ABCC12: variants seen among roughly 807,000 people sequenced by gnomAD.
ABCC12 encodes ATP-binding cassette sub-family C member 12.
ABCC12 carries 142 observed loss-of-function variants against 151.1 expected under a neutral mutation model. The ratio of observed to expected loss-of-function variants is 0.94; its 90% CI spans 0.82 to 1.08. The LOEUF is 1.08. Among genes scored for constraint, ABCC12 ranks in the 50% least tolerant of loss-of-function variants. The pLI, the probability that ABCC12 is intolerant of heterozygous loss-of-function variation, is 0.00. For synonymous variants in ABCC12, 645 were observed against 646.4 expected, an observed-to-expected ratio of 1.00 and a Z score of 0.03; for missense variants, 1,638 against 1,691.1, an observed-to-expected ratio of 0.97 and a Z score of 0.55.
At chr16:48,086,692 G>A (rs1262139567) in intron 28 of ABCC12, 49 bp downstream of exon 28, 3 of 1,504,400 alleles carry the variant, frequency 2.0e-6, no homozygotes, top group Non-Finnish European at 2.8e-6. Flanking sequence ...GGAATCTAGG[G>A]CAGTGGTGCT....
chr16:48,148,583 G>A (rs1196857698), intron 2 of ABCC12, among the ~76,000 whole-genome samples: 1 of 152,042 alleles, frequency 6.6e-6, no homozygotes, highest in Non-Finnish European at 1.5e-5. Flanking sequence ...CCCAGCTGTA[G>A]ATTCCTAATT....
intron 24 of ABCC12, among the ~76,000 whole-genome samples, chr16:48,095,093 C>G (rs1433759277): frequency 6.6e-6 from 1 of 152,130 alleles, no homozygotes; most frequent in Non-Finnish European, 1.5e-5. Flanking sequence ...TGGCTTTGTC[C>G]CCACACAAAT....
At chr16:48,085,995 G>C (rs1962580337) in intron 28 of ABCC12, among the ~76,000 whole-genome samples, 1 of 152,156 alleles carries the variant, frequency 6.6e-6, no homozygotes. Flanking sequence ...AAACAAACAA[G>C]TGGAAACAGC....
chr16:48,119,538 C>G (rs1963998667), intron 13 of ABCC12, among the ~76,000 whole-genome samples: 1 of 152,264 alleles, frequency 6.6e-6, no homozygotes, highest in African/African-American at 2.4e-5. Flanking sequence ...TTTGGCTATA[C>G]TGATCACTGA....
intron 29 of ABCC12, among the ~76,000 whole-genome samples, chr16:48,085,212 C>T (rs1323806340): frequency 1.3e-5 from 2 of 152,132 alleles, no homozygotes; most frequent in East Asian, 1.9e-4. Context: ...ATAAATTCTA[C>T]AATTCCCATA....
intron 23 of ABCC12, among the ~76,000 whole-genome samples, chr16:48,100,286 T>G (rs910063604): frequency 6.6e-6 from 1 of 152,204 alleles, no homozygotes; most frequent in Non-Finnish European, 1.5e-5. Flanking sequence ...TGTCATATTT[T>G]AGAAGTTTGA....
intron 21 of ABCC12, 123 bp downstream of exon 21, chr16:48,105,016 C>T: frequency 9.0e-7 from 1 of 1,108,812 alleles, no homozygotes; most frequent in East Asian, 2.4e-5. Context: ...CCAGACTAGA[C>T]TGCAAGCTCT....
chr16:48,146,671 T>C, intron 2 of ABCC12, 197 bp from the exon 3 acceptor site: 1 of 422,830 alleles, frequency 2.4e-6, no homozygotes, highest in Non-Finnish European at 4.2e-6. Flanking sequence ...GCTTTCTTAT[T>C]AGTAGGACCA....
intron 8 of ABCC12, among the ~76,000 whole-genome samples, chr16:48,137,497 G>A (rs1567456587): frequency 6.6e-6 from 1 of 152,302 alleles, no homozygotes; most frequent in Non-Finnish European, 1.5e-5. Flanking sequence ...TGCTGCTGGG[G>A]TCCCAACCTG....
intron 18 of ABCC12, 82 bp downstream of exon 18, chr16:48,111,354 T>C: frequency 6.7e-7 from 1 of 1,484,726 alleles, no homozygotes; most frequent in Non-Finnish European, 9.4e-7. Flanking sequence ...ACATGCACAG[T>C]GTCTACACTG....
At chr16:48,085,561 A>G (rs772083337) in intron 29 of ABCC12, 32 bp downstream of exon 29, 6 of 1,600,844 alleles carry the variant, frequency 3.7e-6, no homozygotes, top group Non-Finnish European at 5.1e-6. Context: ...AATATCCAAA[A>G]TTTGACCAAT....
rs781478647 is a variant in ABCC12 at position 48,083,913 on chromosome 16, C to G, written c.3989G>C (p.Gly1330Ala). The G allele has an allele frequency of 2.5e-6, 4 of 1,611,996 alleles. No individual in the cohort carries two copies. The highest frequency in any genetic ancestry group is 2.5e-6 in the Non-Finnish European group (3 of 1,179,472). Residue 1330 changes from glycine to alanine, a missense_variant, in exon 30 of 31, where the codon GGG becomes GCG. Gly to Ala is a moderately conservative substitution (Grantham distance 60, BLOSUM62 0). Transcript: ENST00000311303. ...NCDHVLVMEN[G>A]KVIEFDKPEV... ...AGCCAAAAGAGCTTCCTATACCTTC[C>G]CATTTTCCATAACCAGGACGTGATC...
chr16:48,124,768 A>T (rs1047805638), intron 11 of ABCC12, among the ~76,000 whole-genome samples: 17 of 152,248 alleles, frequency 1.1e-4, no homozygotes, highest in African/African-American at 4.1e-4. Flanking sequence ...ACAGCTCCAG[A>T]TTTATTAATT....
At chr16:48,133,560 A>G (rs1311206591) in intron 9 of ABCC12, 127 bp downstream of exon 9, 1 of 1,146,126 alleles carries the variant, frequency 8.7e-7, no homozygotes, top group Non-Finnish European at 1.2e-6. Flanking sequence ...AGTTGAAGTC[A>G]CATCCTGTGG....
Position 48,146,493 on chromosome 16 carries a change from A to T in ABCC12, c.-50-19T>A, listed in dbSNP as rs1965008802. 7.8e-7 allele frequency: 1 copy of T among 1,285,542 alleles called. No homozygotes were observed. The highest frequency in any genetic ancestry group is 1.1e-6 in the Non-Finnish European group (1 of 886,472). 79.6% of individuals were successfully genotyped at this position (1,285,542 alleles called of 1,614,324 possible). On this transcript the variant is annotated intron_variant, in intron 2 of 30. Transcript: ENST00000311303. Reference sequence around the variant, plus strand: ...TTTCACTCTATGGCAGAGAAATGGCAAAGGTTATTGAGAGGTGAGGATGTC... The same window carrying T: ...TTTCACTCTATGGCAGAGAAATGGCTAAGGTTATTGAGAGGTGAGGATGTC...
chr16:48,124,135 G>A (rs549713821), intron 12 of ABCC12, 78 bp downstream of exon 12: 2 of 1,479,434 alleles, frequency 1.4e-6, no homozygotes, highest in African/African-American at 2.8e-5. Flanking sequence ...CATCTGCTGG[G>A]TCCACGCCTG....
chr16:48,086,070 G>A, intron 28 of ABCC12: 1 of 223,584 alleles, frequency 4.5e-6, no homozygotes, highest in Non-Finnish European at 8.9e-6. Flanking sequence ...GGACATTAAG[G>A]AAGGGTAAGA....
At chr16:48,122,827 G>A (rs1964117144) in intron 12 of ABCC12, among the ~76,000 whole-genome samples, 2 of 152,246 alleles carry the variant, frequency 1.3e-5, no homozygotes, top group African/African-American at 4.8e-5. Context: ...GACTGGCCTT[G>A]CAAATTATCC....
intron 23 of ABCC12, among the ~76,000 whole-genome samples, chr16:48,098,090 GACACACACACACACACACACAC>G (rs66949388): frequency 3.3e-5 from 4 of 121,912 alleles, no homozygotes; most frequent in East Asian, 2.5e-4. Flanking sequence ...TGCCCCACCT[GACACACACACACACACACACAC>G]ACACACACAC....
Sources: gnomAD v4.1 joint callset for allele counts (sites outside exome capture counted in the v4.1 genomes callset) on GRCh38, gnomAD v4.1.1 for gene constraint, MANE v1.5 for transcripts, NCBI Gene and HGNC (gene_info 2026-07-23, HGNC 2026-07-21) for gene names.